SORCS2: variants seen among roughly 807,000 people sequenced by gnomAD.
The protein encoded by SORCS2 is sortilin related VPS10 domain containing receptor 2, also known as VPS10 domain-containing receptor SorCS2.
In SORCS2, 100 loss-of-function variants were observed where a neutral mutation model predicts 141.6. That is an observed-to-expected ratio of 0.71 (90% confidence interval 0.60 to 0.83). The LOEUF (loss-of-function observed/expected upper bound fraction) is 0.83, where lower values mean the gene tolerates loss of function less well. Among genes scored for constraint, SORCS2 ranks in the 40% least tolerant of loss-of-function variants. SORCS2 has a pLI of 0.00. For missense variants in SORCS2, 1,646 were observed against 1,560.2 expected (o/e 1.05, Z -0.93); for synonymous variants, 789 against 676.9 (o/e 1.17, Z -2.57).
chr4:7,285,578 G>A lies in SORCS2; in HGVS notation c.480+92452G>A, dbSNP rs564703991. 7.2e-5 allele frequency among the ~76,000 whole-genome samples: 11 copies of A among 152,306 alleles called. No individual in the cohort carries two copies. The East Asian group carries it at 7.7e-4, about 11-fold the overall frequency. On this transcript the variant is annotated intron_variant, in intron 1 of 26. Transcript: ENST00000507866. ...AGACATGGCCTCTGCCAGCCAAGGC[G>A]CGAGCCCCTCCTTCCCATGCTTTCT... is the stretch of plus-strand genomic sequence containing the variant.
In SORCS2 at chr4:7,365,693, G is replaced by T. The variant is rs1223077621; in HGVS notation, c.481-30595G>T. Among the ~76,000 whole-genome samples the T allele has an allele frequency of 2.0e-5, 3 of 152,158 alleles. No individual in the cohort carries two copies. The East Asian group carries it at 5.8e-4, about 29-fold the overall frequency. On this transcript the variant is annotated intron_variant, in intron 1 of 26. Transcript: ENST00000507866. ...TGGTGCAGACAATGGGCACCCCGGC[G>T]TGCAGGCTTTGTGCCTGTCGAACCT...
chr4:7,539,985 C>T, intron 3 of SORCS2, among the ~76,000 whole-genome samples: 1 of 142,610 alleles, frequency 7.0e-6, no homozygotes, highest in Non-Finnish European at 1.5e-5. Context: ...CTTCCTGTTG[C>T]AAAGGCCCCA....
At chr4:7,666,736 C>T (rs1221125446) in intron 7 of SORCS2, among the ~76,000 whole-genome samples, 1 of 152,276 alleles carries the variant, frequency 6.6e-6, no homozygotes, top group East Asian at 1.9e-4. Flanking sequence ...CTGGGAAAAG[C>T]ACTCGAGATG....
chr4:7,425,276 G>T (rs567880921), intron 2 of SORCS2, among the ~76,000 whole-genome samples: 18 of 152,214 alleles, frequency 1.2e-4, no homozygotes, highest in South Asian at 2.1e-4. Flanking sequence ...GGACTGGCCT[G>T]TGTGGCCTTT....
intron 5 of SORCS2, among the ~76,000 whole-genome samples, chr4:7,655,312 A>G (rs888912787): frequency 7.9e-5 from 12 of 152,304 alleles, no homozygotes; most frequent in Non-Finnish European, 1.6e-4. Flanking sequence ...GGTCTCCGCA[A>G]CAGAAAAACA....
chr4:7,290,330 A>G (rs1253810475), intron 1 of SORCS2, among the ~76,000 whole-genome samples: 1 of 152,080 alleles, frequency 6.6e-6, no homozygotes, highest in Admixed American at 6.5e-5. Context: ...GGGCGCCACT[A>G]TCTGTAACCT....
intron 2 of SORCS2, among the ~76,000 whole-genome samples, chr4:7,529,938 C>A (rs1428219728): frequency 2.6e-5 from 4 of 152,186 alleles, no homozygotes; most frequent in Admixed American, 2.6e-4. Context: ...GAGGGGCTGG[C>A]CCCTGGGAGT....
intron 1 of SORCS2, among the ~76,000 whole-genome samples, chr4:7,384,402 C>T (rs1342268337): frequency 1.3e-5 from 2 of 152,194 alleles, no homozygotes; most frequent in African/African-American, 4.8e-5. Context: ...CTGGTCCAGG[C>T]ATCTTGGGTG....
chr4:7,278,646 C>T (rs889976391), intron 1 of SORCS2, among the ~76,000 whole-genome samples: 2 of 152,164 alleles, frequency 1.3e-5, no homozygotes, highest in East Asian at 1.9e-4. Flanking sequence ...TGTCTCTGAG[C>T]GCCCCTAATG....
intron 3 of SORCS2, among the ~76,000 whole-genome samples, chr4:7,586,313 C>G (rs193218638): frequency 3.3e-5 from 5 of 152,000 alleles, no homozygotes; most frequent in Non-Finnish European, 7.4e-5. Flanking sequence ...CCCCCAATGA[C>G]GATGTTTTTT....
chr4:7,465,031 A>G (rs1268200078), intron 2 of SORCS2, among the ~76,000 whole-genome samples: 2 of 152,240 alleles, frequency 1.3e-5, no homozygotes, highest in Non-Finnish European at 2.9e-5. Flanking sequence ...TCACCTCTCT[A>G]GAAAATGAGG....
At chr4:7,706,539 G>T (rs1725475039) in intron 14 of SORCS2, among the ~76,000 whole-genome samples, 1 of 139,290 alleles carries the variant, frequency 7.2e-6, no homozygotes, top group South Asian at 2.5e-4. Flanking sequence ...GTCTGGGCAG[G>T]GATGAGGCTG....
intron 1 of SORCS2, among the ~76,000 whole-genome samples, chr4:7,218,237 G>A (rs1728491118): frequency 6.6e-6 from 1 of 152,178 alleles, no homozygotes; most frequent in African/African-American, 2.4e-5. Context: ...CACTTGGCCG[G>A]CTCACCTCCC....
chr4:7,428,128 T>C (rs1726583620), intron 2 of SORCS2, among the ~76,000 whole-genome samples: 1 of 152,158 alleles, frequency 6.6e-6, no homozygotes, highest in African/African-American at 2.4e-5. Flanking sequence ...ACCTGGACCA[T>C]GGAGGACAAC....
At chr4:7,688,907 C>T (rs1451726996) in intron 10 of SORCS2, among the ~76,000 whole-genome samples, 1 of 152,212 alleles carries the variant, frequency 6.6e-6, no homozygotes. Flanking sequence ...CTCTTGCACA[C>T]TTAACCCACC....
chr4:7,315,044 G>A (rs750329650), intron 1 of SORCS2, among the ~76,000 whole-genome samples: 1 of 151,948 alleles, frequency 6.6e-6, no homozygotes, highest in Non-Finnish European at 1.5e-5. Context: ...TATTGGCCAG[G>A]CTGGTCTCGA....
chr4:7,720,108 G>A (rs980748257), intron 18 of SORCS2, among the ~76,000 whole-genome samples: 2 of 152,134 alleles, frequency 1.3e-5, no homozygotes, highest in African/African-American at 4.8e-5. Context: ...CAAACTCGCA[G>A]ATTTGTACAC....
chr4:7,616,033 T>A (rs761840386), intron 3 of SORCS2, among the ~76,000 whole-genome samples: 9 of 152,240 alleles, frequency 5.9e-5, no homozygotes, highest in Non-Finnish European at 1.3e-4. Flanking sequence ...TATTGGAAAT[T>A]CAAATATAAC....
chr4:7,527,693 CCA>C (rs111729813), intron 2 of SORCS2, among the ~76,000 whole-genome samples: 4,412 of 152,276 alleles, frequency 0.029, 212 homozygotes, highest in African/African-American at 0.1. Flanking sequence ...ACAGGCCCCC[CCA>C]CCAGGTGAAG....
Sources: gnomAD v4.1 joint callset for allele counts (sites outside exome capture counted in the v4.1 genomes callset) on GRCh38, gnomAD v4.1.1 for gene constraint, MANE v1.5 for transcripts, NCBI Gene and HGNC (gene_info 2026-07-23, HGNC 2026-07-21) for gene names.